SLC25A44: variants seen among roughly 807,000 people sequenced by gnomAD.
The protein encoded by SLC25A44 is solute carrier family 25 member 44.
Under a neutral mutation model 29.9 loss-of-function variants are expected in SLC25A44, and 17 were observed. That is an observed-to-expected ratio of 0.57 (90% CI 0.39 to 0.85). SLC25A44 has a LOEUF of 0.85. Among genes scored for constraint, SLC25A44 ranks in the 40% least tolerant of loss-of-function variants. The pLI, the probability that SLC25A44 is intolerant of heterozygous loss-of-function variation, is 0.00. For missense variants in SLC25A44, 302 were observed against 398.4 expected, an observed-to-expected ratio of 0.76 and a Z score of 2.06; for synonymous variants, 140 against 151.8, an observed-to-expected ratio of 0.92 and a Z score of 0.57.
At chr1:156,205,971 GGT>G (rs1656902666) in intron 2 of SLC25A44, among the ~76,000 whole-genome samples, 1 of 152,128 alleles carries the variant, frequency 6.6e-6, no homozygotes. Flanking sequence ...ACTTCTCAGT[GGT>G]ACTGGGATGG....
rs1572466735 is a variant in SLC25A44 at position 156,210,465 on chromosome 1, C to T, written c.*34C>T. On this transcript the variant is annotated 3_prime_UTR_variant, in exon 4 of 4. Coordinates refer to ENST00000359511, the MANE Select transcript of SLC25A44 (RefSeq NM_014655.4). ...GGGGAGAGAAGCCTGCTGTTTTCCA[C>T]ACTACCGTGGGTCAGGGGCAGAGTG... 1.3e-6 allele frequency: 2 copies of T among 1,499,820 alleles called. No individual in the cohort carries two copies. The highest frequency in any genetic ancestry group is 2.1e-5 in the Admixed American group (1 of 48,504). The allele number at this position is 1,499,820 out of a possible 1,614,324, so 92.9% of individuals were successfully genotyped here.
Position 156,203,760 on chromosome 1 carries a change from G to A in SLC25A44, c.625+3288G>A, listed in dbSNP as rs1192918604. Among the ~76,000 whole-genome samples, 4 of 135,660 alleles carry A rather than the reference G, an allele frequency of 2.9e-5. No homozygotes were observed. The South Asian group carries it at 7.0e-4, about 24-fold the overall frequency. 89.0% of individuals were successfully genotyped at this position (135,660 alleles called of 152,430 possible). The stretch of plus-strand genomic sequence containing the variant: ...ACTCTGTTGCCTAGGCTGGAGTGCA[G>A]TGGCGCGATCTCGGCTCACTGCAAG... On this transcript the variant is annotated intron_variant, in intron 2 of 3. Transcript: ENST00000359511.
rs753371207 is a variant in SLC25A44 at position 156,200,507 on chromosome 1, G to A, written c.625+35G>A. 16 of 1,548,418 alleles carry A rather than the reference G, an allele frequency of 1.0e-5. No homozygotes were observed. The East Asian group carries it at 3.6e-4, about 35-fold the overall frequency. On this transcript the variant is annotated intron_variant, in intron 2 of 3. Coordinates refer to ENST00000359511, the MANE Select transcript of SLC25A44 (RefSeq NM_014655.4). ...GGCCAGGACAGTGGGGGAGGAAGGT[G>A]GGATTTCTAATGGGGCTGAGATACT...
At chr1:156,208,123 G>C in intron 3 of SLC25A44, 110 bp downstream of exon 3, 1 of 928,502 alleles carries the variant, frequency 1.1e-6, no homozygotes, top group Admixed American at 2.0e-5. Flanking sequence ...CTCTAGTCCA[G>C]TCAGTCTTCT....
At position 156,200,298 on chromosome 1, in the gene SLC25A44, G is replaced by T; in HGVS notation, c.451G>T (p.Val151Leu). Residue 151 changes from valine (V) to leucine (L), a missense_variant, in exon 2 of 4, where the codon GTG becomes TTG. By Grantham distance (32) the Val-to-Leu change is conservative. Coordinates refer to ENST00000359511, the MANE Select transcript of SLC25A44 (RefSeq NM_014655.4). ...RKGEKMGRFQ[V>L]RGNPEGQGVV... is the part of the protein sequence containing the mutation. ...GGGTGAGAAAATGGGCCGCTTTCAG[G>T]TGCGGGGGAACCCAGAGGGACAAGG... 1 of 1,614,198 alleles carries T rather than the reference G, an allele frequency of 6.2e-7. No homozygotes were observed. Among genetic ancestry groups the T allele is most frequent in the Non-Finnish European group, 8.5e-7 (1 of 1,180,036 alleles).
intron 2 of SLC25A44, among the ~76,000 whole-genome samples, chr1:156,201,642 CTTTT>C (rs1041058845): frequency 2.6e-5 from 4 of 151,792 alleles, no homozygotes; most frequent in African/African-American, 7.3e-5. Context: ...TCCTCTTCTT[CTTTT>C]GTTTCTTCTT....
chr1:156,200,483 G>T lies in SLC25A44; in HGVS notation c.625+11G>T. The stretch of plus-strand genomic sequence containing the variant: ...ATCACTTCTATGCAGGTAAGCAGGG[G>T]CCAGGACAGTGGGGGAGGAAGGTGG... On this transcript the variant is annotated intron_variant, in intron 2 of 3. Transcript: ENST00000359511. 1 of 1,585,572 alleles carries T rather than the reference G, an allele frequency of 6.3e-7. No homozygotes were observed.
Position 156,200,053 on chromosome 1 carries a change from G to T in SLC25A44, c.206G>T (p.Gly69Val). The T allele has an allele frequency of 6.2e-7, 1 of 1,614,144 alleles. No homozygotes were observed. The highest frequency in any genetic ancestry group is 8.5e-7 in the Non-Finnish European group (1 of 1,180,016). ...TTCATCAAGATCCTGCGAGCAGATG[G>T]TATCACTGGCCTCTACCGAGGGTTC... Reference protein sequence around the residue: ...DAFIKILRADGITGLYRGFLV... With the variant: ...DAFIKILRADVITGLYRGFLV... Residue 69 changes from glycine to valine, a missense_variant, in exon 2 of 4, where the codon GGT (glycine) becomes GTT (valine). Transcript: ENST00000359511.
At chr1:156,203,086 C>G (rs1441896606) in intron 2 of SLC25A44, among the ~76,000 whole-genome samples, 1 of 152,220 alleles carries the variant, frequency 6.6e-6, no homozygotes, top group East Asian at 1.9e-4. Flanking sequence ...CTCTATTGCT[C>G]TGACTCCTGT....
chr1:156,206,573 C>T (rs1656944626), intron 2 of SLC25A44, among the ~76,000 whole-genome samples: 1 of 151,742 alleles, frequency 6.6e-6, no homozygotes, highest in Non-Finnish European at 1.5e-5. Flanking sequence ...TACTCTGATG[C>T]CCAGGCTGCA....
chr1:156,206,316 C>T (rs748853942), intron 2 of SLC25A44, among the ~76,000 whole-genome samples: 7 of 150,718 alleles, frequency 4.6e-5, no homozygotes, highest in Non-Finnish European at 7.4e-5. Flanking sequence ...TCAGCTCATG[C>T]AGCCTCTGCC....
At position 156,212,700 on chromosome 1, in the gene SLC25A44, GATGAA is replaced by G. The variant is rs768478438; in HGVS notation, c.*2273_*2277del. The G allele has an allele frequency of 4.0e-6, 1 of 252,548 alleles. No homozygotes were observed. Among genetic ancestry groups the G allele is most frequent in the Non-Finnish European group, 7.8e-6 (1 of 127,496 alleles). The allele number at this position is 252,548 out of a possible 1,614,324, so 15.6% of individuals were successfully genotyped here. A position where few individuals can be genotyped will look rare whatever the true frequency, so the allele number is the denominator to read the frequency against. ...GAAAAGGCAGACTCTCTGAACGTTT[GATGAA>G]ATGGACTCTTGTGAAAATTAACAGT... On this transcript the variant is annotated 3_prime_UTR_variant, in exon 4 of 4. Transcript: ENST00000359511.
chr1:156,207,775 G>A, intron 2 of SLC25A44, 111 bp from the exon 3 acceptor site: 2 of 1,137,048 alleles, frequency 1.8e-6, no homozygotes, highest in Non-Finnish European at 1.3e-6. Context: ...GGTGGTGAAG[G>A]GTGGAGGGTT....
chr1:156,203,215 C>G (rs562412265), intron 2 of SLC25A44, among the ~76,000 whole-genome samples: 10 of 152,190 alleles, frequency 6.6e-5, no homozygotes, highest in African/African-American at 2.2e-4. Context: ...CTTCTCTGCC[C>G]GGACACCCTT....
Position 156,208,017 on chromosome 1 carries a change from A to T in SLC25A44, c.753+4A>T, listed in dbSNP as rs748035396. ...TGTCATACGAACCCGTGTGCAGGTA[A>T]GACTGACCACTTCCCTCACCCTCCT... is the stretch of plus-strand genomic sequence containing the variant. On this transcript the variant is annotated splice_donor_region_variant and intron_variant, in intron 3 of 3. Coordinates refer to ENST00000359511, the MANE Select transcript of SLC25A44 (RefSeq NM_014655.4). The T allele has an allele frequency of 8.1e-5, 130 of 1,613,738 alleles. No homozygotes were observed. Among genetic ancestry groups the T allele is most frequent in the Non-Finnish European group, 1.1e-4 (125 of 1,179,780 alleles).
rs1056589618 is a variant in SLC25A44, at chr1:156,211,604, A to C, written c.*1173A>C. The C allele has an allele frequency of 1.3e-5, 2 of 152,632 alleles. No individual in the cohort carries two copies. The highest frequency in any genetic ancestry group is 4.8e-5 in the African/African-American group (2 of 41,448). The allele number at this position is 152,632 out of a possible 1,614,324, so 9.5% of individuals were successfully genotyped here. On this transcript the variant is annotated 3_prime_UTR_variant, in exon 4 of 4. Transcript: ENST00000359511. The stretch of plus-strand genomic sequence containing the variant: ...TCATCCCAGTCATGGTACCCTGTGG[A>C]GGAATGCTGGAAGAACATAAAGAGC...
intron 2 of SLC25A44, among the ~76,000 whole-genome samples, chr1:156,202,807 G>T (rs1476587124): frequency 6.6e-6 from 1 of 152,174 alleles, no homozygotes; most frequent in Non-Finnish European, 1.5e-5. Flanking sequence ...GTGTGCCAGG[G>T]CTCTGTGTGA....
chr1:156,203,830 A>C (rs558533279), intron 2 of SLC25A44, among the ~76,000 whole-genome samples: 1 of 149,620 alleles, frequency 6.7e-6, no homozygotes, highest in Non-Finnish European at 1.5e-5. Flanking sequence ...CAGCCTCCCG[A>C]GTAGCTGGGA....
intron 2 of SLC25A44, among the ~76,000 whole-genome samples, chr1:156,206,436 C>T (rs1005727698): frequency 2.0e-5 from 3 of 152,132 alleles, no homozygotes; most frequent in Non-Finnish European, 4.4e-5. Context: ...CGGGGTTTCA[C>T]CATGTTGGTC....
Sources: gnomAD v4.1 joint callset for allele counts (sites outside exome capture counted in the v4.1 genomes callset) on GRCh38, gnomAD v4.1.1 for gene constraint, MANE v1.5 for transcripts, NCBI Gene and HGNC (gene_info 2026-07-23, HGNC 2026-07-21) for gene names.